Variants in HTRA3 observed in about 807,000 individuals in gnomAD.
HTRA3 encodes serine protease HTRA3.
A neutral mutation model predicts 43.2 loss-of-function variants in HTRA3; 41 were observed. The observed-to-expected ratio is 0.95, with a 90% CI of 0.74 to 1.23. HTRA3 has a LOEUF of 1.23. HTRA3 is among the 50% of genes most tolerant of loss of function. HTRA3 has a pLI of 0.00. For synonymous variants in HTRA3, 295 were observed against 287.9 expected (o/e 1.02, Z -0.25); for missense variants, 628 against 647.1 (o/e 0.97, Z 0.32).
At chr4:8,275,206 C>A (rs1712470409) in intron 1 of HTRA3, among the ~76,000 whole-genome samples, 1 of 152,216 alleles carries the variant, frequency 6.6e-6, no homozygotes, top group Non-Finnish European at 1.5e-5. Flanking sequence ...GCCCTTCCTG[C>A]CGGGGCTTGG....
At chr4:8,303,699 C>T (rs1195686718) in intron 7 of HTRA3, among the ~76,000 whole-genome samples, 1 of 152,132 alleles carries the variant, frequency 6.6e-6, no homozygotes, top group African/African-American at 2.4e-5. Context: ...CTGTCCATCC[C>T]ACCTCTGTCC....
rs573341514 is a variant in HTRA3, at chr4:8,301,274, TTTA to T, written c.1052-1183_1052-1181del. ...TCAGCTTTATTGATTCACACTCATC[TTTA>T]TTATTGAGTCACACTCATCTTTATT... On this transcript the variant is annotated intron_variant, in intron 6 of 8. Coordinates refer to ENST00000307358, the MANE Select transcript of HTRA3 (RefSeq NM_053044.5). Among the ~76,000 whole-genome samples the T allele has an allele frequency of 2.2e-3, 323 of 148,610 alleles. 1 individual carries two copies. Among genetic ancestry groups the T allele is most frequent in the African/African-American group, 7.9e-3 (303 of 38,436 alleles).
At chr4:8,284,920 A>G (rs1047211865) in intron 2 of HTRA3, among the ~76,000 whole-genome samples, 5 of 152,106 alleles carry the variant, frequency 3.3e-5, no homozygotes, top group African/African-American at 1.2e-4. Context: ...AATGACAGAG[A>G]TGTTTGCTCC....
chr4:8,270,305 C>A lies in HTRA3; in HGVS notation c.337C>A (p.Leu113Ile). 6.8e-7 allele frequency: 1 copy of A among 1,470,994 alleles called. No homozygotes were observed. Among genetic ancestry groups the A allele is most frequent in the Non-Finnish European group, 8.9e-7 (1 of 1,118,216 alleles). 91.1% of individuals were successfully genotyped at this position (1,470,994 alleles called of 1,614,324 possible). A position where few individuals can be genotyped will look rare whatever the true frequency, so the allele number is the denominator to read the frequency against. Residue 113 changes from leucine to isoleucine, a missense_variant, in exon 1 of 9, where the codon CTC becomes ATC. Physicochemically the swap from Leu to Ile is conservative, Grantham distance 5. Transcript: ENST00000307358. ...GGCGGCCAGCCGCCGCGCGCTGCAG[C>A]TCTCCGGGACGCCCGTGCGCCAGCT... ...LQAASRRALQ[L>I]SGTPVRQLQK... is the part of the protein sequence containing the mutation.
Position 8,270,347 on chromosome 4 carries a change from C to A in HTRA3, c.379C>A (p.Pro127Thr). The A allele has an allele frequency of 7.1e-7, 1 of 1,411,198 alleles. No homozygotes were observed. Among genetic ancestry groups the A allele is most frequent in the Non-Finnish European group, 9.2e-7 (1 of 1,089,292 alleles). The allele number at this position is 1,411,198 out of a possible 1,614,324, so 87.4% of individuals were successfully genotyped here. Residue 127 changes from proline (P) to threonine (T), a missense_variant, in exon 1 of 9, where the codon CCG becomes ACG. Transcript: ENST00000307358. ...PVRQLQKGAC[P>T]LGLHQLSSPR... ...GCGCCAGCTGCAGAAGGGCGCCTGCCCGTTGGGTAAGCGCTCGGGGGCCAG... is the reference window on the plus strand; with the variant it reads ...GCGCCAGCTGCAGAAGGGCGCCTGCACGTTGGGTAAGCGCTCGGGGGCCAG...
chr4:8,304,643 GTTTTT>G (rs140790982), intron 8 of HTRA3, among the ~76,000 whole-genome samples: 18 of 62,724 alleles, frequency 2.9e-4, no homozygotes, highest in African/African-American at 1.0e-3. Flanking sequence ...TCAGCCTATT[GTTTTT>G]TTTTTTTTTT....
chr4:8,277,811 C>A (rs1186245939), intron 1 of HTRA3, among the ~76,000 whole-genome samples: 2 of 152,172 alleles, frequency 1.3e-5, no homozygotes, highest in African/African-American at 4.8e-5. Flanking sequence ...CAGCCTGGGA[C>A]CCATGGCTAT....
At chr4:8,303,022 C>T (rs2153007332) in intron 7 of HTRA3, among the ~76,000 whole-genome samples, 1 of 152,312 alleles carries the variant, frequency 6.6e-6, no homozygotes, top group South Asian at 2.1e-4. Flanking sequence ...TGAAAACATC[C>T]ATCATTGGAG....
intron 6 of HTRA3, among the ~76,000 whole-genome samples, chr4:8,301,572 T>C (rs1713657976): frequency 6.6e-6 from 1 of 152,168 alleles, no homozygotes; most frequent in Non-Finnish European, 1.5e-5. Flanking sequence ...TTTTTTCTTC[T>C]GGTTATTCTA....
Position 8,304,227 on chromosome 4 carries a change from G to A in HTRA3, c.1144G>A (p.Val382Ile). The A allele has an allele frequency of 1.5e-5, 25 of 1,614,204 alleles. No homozygotes were observed. Among genetic ancestry groups the A allele is most frequent in the Non-Finnish European group, 2.0e-5 (24 of 1,180,030 alleles). ...GGCCAGCAACCCGGACTTCCCAGAG[G>A]TCAGCAGTGGAATTTATGTGCAAGA... is the stretch of plus-strand genomic sequence containing the variant. ...LKASNPDFPE[V>I]SSGIYVQEVA... The change falls in exon 8 of 9, where the codon GTC becomes ATC. Residue 382 changes from valine (V) to isoleucine (I), a missense_variant. Transcript: ENST00000307358.
chr4:8,283,169 ATGAG>A (rs1712824657), intron 2 of HTRA3, among the ~76,000 whole-genome samples: 1 of 152,180 alleles, frequency 6.6e-6, no homozygotes, highest in African/African-American at 2.4e-5. Flanking sequence ...GGCAGAATGA[ATGAG>A]TGAGGGAGGG....
chr4:8,301,307 A>G (rs1471160951), intron 6 of HTRA3, among the ~76,000 whole-genome samples: 1 of 146,918 alleles, frequency 6.8e-6, no homozygotes, highest in Admixed American at 6.7e-5. Context: ...TTTATTATTG[A>G]TTCACACTCA....
Position 8,270,212 on chromosome 4 carries a change from C to T in HTRA3, c.244C>T (p.Arg82Cys), listed in dbSNP as rs765838106. 17 of 1,539,004 alleles carry T rather than the reference C, an allele frequency of 1.1e-5. No individual in the cohort carries two copies. Among genetic ancestry groups the T allele is most frequent in the South Asian group, 2.4e-5 (2 of 84,504 alleles). Residue 82 changes from arginine (R) to cysteine (C), a missense_variant, in exon 1 of 9, where the codon CGC (arginine) becomes TGC (cysteine). Coordinates refer to ENST00000307358, the MANE Select transcript of HTRA3 (RefSeq NM_053044.5). ...CCTGGAGTGCGTGCGCGGCCTATGC[C>T]GCTGCCGCTGGTCGCACGCCGTGTG... Reference protein sequence around the residue: ...ESLECVRGLCRCRWSHAVCGT... With the variant: ...ESLECVRGLCCCRWSHAVCGT...
At chr4:8,277,200 G>A (rs542357568) in intron 1 of HTRA3, among the ~76,000 whole-genome samples, 5 of 152,288 alleles carry the variant, frequency 3.3e-5, no homozygotes, top group African/African-American at 9.6e-5. Flanking sequence ...GACATGGCTC[G>A]GTGGGGCAAA....
chr4:8,297,163 G>T lies in HTRA3; in HGVS notation c.1051+2962G>T, dbSNP rs1276296571. Among the ~76,000 whole-genome samples the T allele has an allele frequency of 6.6e-6, 1 of 152,048 alleles. No homozygotes were observed. Among genetic ancestry groups the T allele is most frequent in the African/African-American group, 2.4e-5 (1 of 41,418 alleles). ...GTCCTTCCCAATAGTGGAAAAGTCT[G>T]GGGAAGGCAGCCCAGCCACCTGGCA... is the stretch of plus-strand genomic sequence containing the variant. On this transcript the variant is annotated intron_variant, in intron 6 of 8. Transcript: ENST00000307358. This position sits in a 1 kb window ranked among gnomAD's most constrained non-coding sequence, Gnocchi z 5.8.
At chr4:8,292,689 A>G (rs912558985) in intron 5 of HTRA3, among the ~76,000 whole-genome samples, 7 of 152,196 alleles carry the variant, frequency 4.6e-5, no homozygotes, top group African/African-American at 7.2e-5. Flanking sequence ...ACAGGATGAC[A>G]GGGGCACCCT....
chr4:8,306,754 C>T lies in HTRA3; in HGVS notation c.*618C>T, dbSNP rs1713870541. ...CCCCGCCCTGCCATGAGGTTTTCCT[C>T]CCCAGGCAGGCAGGAGGCCGCGGGG... On this transcript the variant is annotated 3_prime_UTR_variant, in exon 9 of 9. Coordinates refer to ENST00000307358, the MANE Select transcript of HTRA3 (RefSeq NM_053044.5). The surrounding 1 kb of genome is among the most constrained non-coding windows in gnomAD (Gnocchi z 8.9). The T allele has an allele frequency of 6.5e-6, 1 of 152,704 alleles. No individual in the cohort carries two copies. The highest frequency in any genetic ancestry group is 2.1e-4 in the South Asian group (1 of 4,834). 9.5% of individuals were successfully genotyped at this position (152,704 alleles called of 1,614,324 possible).
At chr4:8,302,558 C>T (rs1713693467) in intron 7 of HTRA3, 47 bp downstream of exon 7, 2 of 1,585,548 alleles carry the variant, frequency 1.3e-6, no homozygotes, top group East Asian at 2.2e-5. Context: ...TCCTCTCATC[C>T]CTCACCCTGA....
chr4:8,272,948 C>T (rs550269371), intron 1 of HTRA3, among the ~76,000 whole-genome samples: 100 of 152,320 alleles, frequency 6.6e-4, no homozygotes, highest in Non-Finnish European at 1.3e-3. Context: ...CTTGGACAGC[C>T]AGCTTTCGGC....
Sources: allele counts gnomAD v4.1 joint callset (sites outside exome capture counted in the v4.1 genomes callset), GRCh38; gene constraint gnomAD v4.1.1; non-coding constraint Gnocchi (gnomAD v3.1); transcripts MANE v1.5; gene names NCBI Gene and HGNC (gene_info 2026-07-23, HGNC 2026-07-21).